The following MTMR1 variants were observed in gnomAD, a reference collection of about 807,000 sequenced individuals.
MTMR1 encodes myotubularin related protein 1, also known as phosphatidylinositol-3-phosphate phosphatase MTMR1.
In MTMR1, 17 loss-of-function variants were observed where a neutral mutation model predicts 51.6. The ratio of observed to expected loss-of-function variants is 0.33; its 90% CI spans 0.23 to 0.49. The LOEUF (loss-of-function observed/expected upper bound fraction) is 0.49, where lower values mean the gene tolerates loss of function less well. MTMR1 is among the 20% of genes least tolerant of loss of function. MTMR1 has a pLI of 0.99. For missense variants in MTMR1, 386 were observed against 526.9 expected (o/e 0.73, Z 2.62); for synonymous variants, 201 against 205.6 (o/e 0.98, Z 0.19).
chrX:150,707,582 C>T (rs2148567906), intron 2 of MTMR1, among the ~76,000 whole-genome samples: 1 of 112,160 alleles, frequency 8.9e-6, no homozygotes, highest in Non-Finnish European at 1.9e-5. Flanking sequence ...AAAGTGACAA[C>T]ACCAAATGTG....
At chrX:150,712,390 A>C in intron 3 of MTMR1, 25 bp downstream of exon 3, 1 of 1,155,820 alleles carries the variant, frequency 8.7e-7, no homozygotes, top group Non-Finnish European at 1.2e-6. Flanking sequence ...CTTTCAGCGG[A>C]TGGGCCTCCT....
Position 150,713,621 on chromosome X carries a change from A to C in MTMR1, c.276+1256A>C, listed in dbSNP as rs1487292787. On this transcript the variant is annotated intron_variant, in intron 3 of 15. Transcript: ENST00000445323. Reference sequence around the variant, plus strand: ...TTTTTAGCCTCGGAGACTTGATAGAATTTTAAAAAGAGATTACAATCTTGT... The same window carrying C: ...TTTTTAGCCTCGGAGACTTGATAGACTTTTAAAAAGAGATTACAATCTTGT... Among the ~76,000 whole-genome samples the C allele has an allele frequency of 2.7e-5, 3 of 111,710 alleles. No individual in the cohort carries two copies. In the East Asian group the frequency reaches 8.3e-4, roughly 31 times the overall value.
At chrX:150,718,842 A>T (rs2041650419) in intron 4 of MTMR1, 142 bp downstream of exon 4, 1 of 524,951 alleles carries the variant, frequency 1.9e-6, no homozygotes, top group East Asian at 3.8e-5. Context: ...ATTCATCCTC[A>T]TTAGTGTCAT....
Position 150,718,514 on chromosome X carries a change from T to C in MTMR1, c.277-111T>C. 3.1e-6 allele frequency: 3 copies of C among 973,547 alleles called. No homozygotes were observed. In the East Asian group the frequency reaches 1.0e-4, roughly 33 times the overall value. 80.2% of individuals were successfully genotyped at this position (973,547 alleles called of 1,213,427 possible). ...TATTTTGCACGCTTCTGTAGCCTTA[T>C]AGTGACATCACAGAACACCGAAATT... On this transcript the variant is annotated intron_variant, in intron 3 of 15. Coordinates refer to ENST00000445323, the MANE Select transcript of MTMR1 (RefSeq NM_001306144.3).
intron 4 of MTMR1, among the ~76,000 whole-genome samples, chrX:150,722,315 G>A (rs1324003071): frequency 1.8e-5 from 2 of 111,985 alleles, no homozygotes; most frequent in Non-Finnish European, 3.8e-5. Context: ...TGTAGAGAGA[G>A]AGGTTTTGAA....
At chrX:150,694,975 C>T (rs2040618974) in intron 1 of MTMR1, among the ~76,000 whole-genome samples, 1 of 112,227 alleles carries the variant, frequency 8.9e-6, no homozygotes, top group Non-Finnish European at 1.9e-5. Flanking sequence ...TGTGTCACCC[C>T]CAAATATGCC....
In MTMR1 at chrX:150,764,940, T is replaced by TTAAGTAAG. The variant is rs572370253; in HGVS notation, c.*2222_*2229dup. ...TCATATGTTTGCTCCCTGGTCTTTT[T>TTAAGTAAG]TAAGTAAGTAAGTAAGTATCTTAGT... On this transcript the variant is annotated 3_prime_UTR_variant, in exon 16 of 16. Coordinates refer to ENST00000445323, the MANE Select transcript of MTMR1 (RefSeq NM_001306144.3). The TTAAGTAAG allele has an allele frequency of 1.1e-4, 12 of 110,827 alleles. No individual in the cohort carries two copies. The highest frequency in any genetic ancestry group is 3.9e-4 in the African/African-American group (12 of 30,546). The allele number at this position is 110,827 out of a possible 1,213,427, so 9.1% of individuals were successfully genotyped here.
chrX:150,740,284 C>CA (rs1444267630), intron 12 of MTMR1, among the ~76,000 whole-genome samples: 1 of 111,817 alleles, frequency 8.9e-6, no homozygotes, highest in African/African-American at 3.3e-5. Context: ...CCCGCCCCCC[C>CA]ACAATCTGGT....
intron 2 of MTMR1, among the ~76,000 whole-genome samples, chrX:150,708,088 G>A: frequency 8.9e-6 from 1 of 112,095 alleles, no homozygotes; most frequent in Non-Finnish European, 1.9e-5. Flanking sequence ...CAGGGAGGGA[G>A]TAAGATGTGG....
chrX:150,729,498 T>C (rs2148623074), intron 6 of MTMR1, among the ~76,000 whole-genome samples: 1 of 112,197 alleles, frequency 8.9e-6, no homozygotes, highest in African/African-American at 3.2e-5. Context: ...CTCCCAGCCT[T>C]CTCAGATCAT....
chrX:150,730,357 A>C, intron 7 of MTMR1, 147 bp downstream of exon 7: 1 of 523,099 alleles, frequency 1.9e-6, no homozygotes, highest in Non-Finnish European at 2.9e-6. Flanking sequence ...GAAATTTGTC[A>C]GTTCTGGGTA....
chrX:150,755,112 C>T (rs1275524223), intron 14 of MTMR1, among the ~76,000 whole-genome samples: 1 of 110,612 alleles, frequency 9.0e-6, no homozygotes. Context: ...TGGAGTACAG[C>T]GGCACAATCA....
chrX:150,748,195 C>T (rs1166800838), intron 13 of MTMR1, among the ~76,000 whole-genome samples: 1 of 111,886 alleles, frequency 8.9e-6, no homozygotes, highest in African/African-American at 3.3e-5. Flanking sequence ...CCTCATACTA[C>T]ACCTTGGGGA....
rs782114114 is a variant in MTMR1 at position 150,712,871 on chromosome X, C to A, written c.276+506C>A. On this transcript the variant is annotated intron_variant, in intron 3 of 15. Transcript: ENST00000445323. ...AATTTAGCAAAATCAATCCCAGTTA[C>A]TATTTTTTAAAATACAGATATAGTG... The A allele has an allele frequency of 1.4e-5, 10 of 735,256 alleles. No individual in the cohort carries two copies. In the South Asian group the frequency reaches 3.5e-4, roughly 26 times the overall value. 60.6% of individuals were successfully genotyped at this position (735,256 alleles called of 1,213,427 possible).
intron 2 of MTMR1, among the ~76,000 whole-genome samples, chrX:150,702,996 A>G (rs1973351023): frequency 8.9e-6 from 1 of 112,243 alleles, no homozygotes; most frequent in South Asian, 3.7e-4. Context: ...TCCCCCCTCC[A>G]CTACCAACTC....
At chrX:150,708,503 T>A (rs2041195667) in intron 2 of MTMR1, among the ~76,000 whole-genome samples, 1 of 111,616 alleles carries the variant, frequency 9.0e-6, no homozygotes, top group Admixed American at 9.5e-5. Context: ...ATATAACTAT[T>A]TAACAACTGA....
intron 15 of MTMR1, among the ~76,000 whole-genome samples, chrX:150,756,628 C>G (rs781883628): frequency 1.6e-4 from 18 of 112,222 alleles, no homozygotes; most frequent in African/African-American, 5.8e-4. Flanking sequence ...GGACAGATAA[C>G]TGTCTGCTGA....
chrX:150,727,969 T>C (rs933290023), intron 6 of MTMR1, among the ~76,000 whole-genome samples, 178 bp downstream of exon 6: 2 of 111,611 alleles, frequency 1.8e-5, no homozygotes, highest in South Asian at 7.7e-4. Flanking sequence ...ATGTAACCCT[T>C]TGAAGTAAAC....
At chrX:150,703,552 G>A (rs1407354054) in intron 2 of MTMR1, among the ~76,000 whole-genome samples, 1 of 112,104 alleles carries the variant, frequency 8.9e-6, no homozygotes, top group Admixed American at 9.4e-5. Flanking sequence ...AGAAAATGGA[G>A]ATGGCCTTAT....
Sources: gnomAD v4.1 joint callset for allele counts (sites outside exome capture counted in the v4.1 genomes callset) on GRCh38, gnomAD v4.1.1 for gene constraint, MANE v1.5 for transcripts, NCBI Gene and HGNC (gene_info 2026-07-23, HGNC 2026-07-21) for gene names.